Variants in CLYBL observed in about 807,000 individuals in gnomAD.
CLYBL encodes the protein citramalyl-CoA lyase, mitochondrial.
A neutral mutation model predicts 38.9 loss-of-function variants in CLYBL; 31 were observed. That is an observed-to-expected ratio of 0.80 (90% CI 0.60 to 1.08). The LOEUF is 1.08. Ranked by LOEUF, CLYBL falls within the 50% of genes least tolerant of loss-of-function variation. The pLI is 0.00. For missense variants in CLYBL, 434 were observed against 411.6 expected, an observed-to-expected ratio of 1.05 and a Z score of -0.47; for synonymous variants, 171 against 158.6, an observed-to-expected ratio of 1.08 and a Z score of -0.59.
intron 7 of CLYBL, chr13:99,877,693 C>T: frequency 6.5e-6 from 2 of 308,890 alleles, no homozygotes; most frequent in South Asian, 5.3e-5. Flanking sequence ...TCTCCTGCCT[C>T]AGCCTCCTGA....
intron 2 of CLYBL, among the ~76,000 whole-genome samples, chr13:99,814,502 C>T (rs1020453035): frequency 1.3e-5 from 2 of 152,078 alleles, no homozygotes; most frequent in Non-Finnish European, 2.9e-5. Flanking sequence ...GCAAGAGGAT[C>T]GCTTGAGCCC....
At chr13:99,841,134 G>C (rs562529806) in intron 2 of CLYBL, among the ~76,000 whole-genome samples, 123 of 152,298 alleles carry the variant, frequency 8.1e-4, no homozygotes, top group Non-Finnish European at 1.3e-3. Flanking sequence ...TGAGCAGGTT[G>C]CTCTTTGTAA....
chr13:99,818,038 G>A (rs1396217267), intron 2 of CLYBL, among the ~76,000 whole-genome samples: 2 of 151,166 alleles, frequency 1.3e-5, no homozygotes, highest in Non-Finnish European at 1.5e-5. Flanking sequence ...GGAAGGAAGG[G>A]AGGGAGGGAA....
chr13:99,622,211 C>T (rs182241243), intron 1 of CLYBL, among the ~76,000 whole-genome samples: 2 of 152,266 alleles, frequency 1.3e-5, no homozygotes, highest in Non-Finnish European at 2.9e-5. Context: ...CGCCCCAACT[C>T]AGGGTCAGCT....
chr13:99,885,534 T>C (rs944136588), intron 7 of CLYBL, among the ~76,000 whole-genome samples: 29 of 152,064 alleles, frequency 1.9e-4, no homozygotes, highest in Non-Finnish European at 4.3e-4. Flanking sequence ...TTCCATCAGA[T>C]CTGTTTTAGA....
intron 1 of CLYBL, among the ~76,000 whole-genome samples, chr13:99,617,604 T>C (rs9513642): frequency 0.04 from 5,990 of 151,076 alleles, 139 homozygotes; most frequent in Middle Eastern, 0.11. Context: ...ATGCACGCAG[T>C]CTCTGCAGTC....
rs537062474 is a variant in CLYBL at position 99,884,983 on chromosome 13, C to T, written c.928-6335C>T. 116 of 480,828 alleles carry T rather than the reference C, an allele frequency of 2.4e-4. 1 individual carries two copies. Among genetic ancestry groups the T allele is most frequent in the East Asian group, 1.4e-3 (22 of 15,190 alleles). 29.8% of individuals were successfully genotyped at this position (480,828 alleles called of 1,614,324 possible). A position where few individuals can be genotyped will look rare whatever the true frequency, so the allele number is the denominator to read the frequency against. On this transcript the variant is annotated intron_variant, in intron 7 of 8. Transcript: ENST00000339105. The stretch of plus-strand genomic sequence containing the variant: ...CTTGTGTCCTTCTATTCAGGTAGGT[C>T]GGTATTGCTGCTCTTGGCTTTGCAT...
At chr13:99,800,281 A>G (rs990338852) in intron 2 of CLYBL, among the ~76,000 whole-genome samples, 2 of 152,212 alleles carry the variant, frequency 1.3e-5, no homozygotes, top group Non-Finnish European at 2.9e-5. Flanking sequence ...AGCCAGTCCA[A>G]TCAGAGTGAA....
intron 4 of CLYBL, among the ~76,000 whole-genome samples, 188 bp downstream of exon 4, chr13:99,863,280 GA>G (rs2051654725): frequency 2.0e-5 from 3 of 152,166 alleles, no homozygotes; most frequent in Non-Finnish European, 4.4e-5. Flanking sequence ...AGAAAACAAT[GA>G]AATCAGTTAG....
At chr13:99,867,626 A>G (rs2051782119) in intron 6 of CLYBL, among the ~76,000 whole-genome samples, 1 of 152,152 alleles carries the variant, frequency 6.6e-6, no homozygotes, top group African/African-American at 2.4e-5. Flanking sequence ...CCTCTGCCAC[A>G]TCCATGCAAT....
At chr13:99,658,532 T>C (rs1164631695) in intron 1 of CLYBL, among the ~76,000 whole-genome samples, 1 of 152,114 alleles carries the variant, frequency 6.6e-6, no homozygotes, top group Admixed American at 6.5e-5. Context: ...CCTCCCCTCC[T>C]TTCAACTCTC....
chr13:99,885,083 G>T lies in CLYBL; in HGVS notation c.928-6235G>T, dbSNP rs767990113. On this transcript the variant is annotated intron_variant, in intron 7 of 8. Coordinates refer to ENST00000339105, the MANE Select transcript of CLYBL (RefSeq NM_206808.5). The stretch of plus-strand genomic sequence containing the variant: ...GTACCTGGCAGGTACTGGGTGCTGG[G>T]TGCCAGGTCCTGGGAGTCAAAGGTA... 5 of 530,376 alleles carry T rather than the reference G, an allele frequency of 9.4e-6. No homozygotes were observed. The Middle Eastern group carries it at 1.6e-3, about 169-fold the overall frequency. The allele number at this position is 530,376 out of a possible 1,614,324, so 32.9% of individuals were successfully genotyped here. A position where few individuals can be genotyped will look rare whatever the true frequency, so the allele number is the denominator to read the frequency against.
At chr13:99,771,341 A>T (rs930869221) in intron 1 of CLYBL, among the ~76,000 whole-genome samples, 1 of 152,298 alleles carries the variant, frequency 6.6e-6, no homozygotes, top group South Asian at 2.1e-4. Flanking sequence ...GCCACCACAC[A>T]TGGCCTAAGG....
rs748394532 is a variant in CLYBL, at chr13:99,865,146, C to G, written c.634+235C>G. On this transcript the variant is annotated intron_variant, in intron 5 of 8. Coordinates refer to ENST00000339105, the MANE Select transcript of CLYBL (RefSeq NM_206808.5). This position sits in a 1 kb window ranked among gnomAD's most constrained non-coding sequence, Gnocchi z 4.7. ...TACTTCTGTTCATTTATAAAAGACA[C>G]GAGCAATAGAAAGCCTGTTGCAGCC... 2 of 510,930 alleles carry G rather than the reference C, an allele frequency of 3.9e-6. No homozygotes were observed. The highest frequency in any genetic ancestry group is 3.9e-5 in the African/African-American group (2 of 51,906). The allele number at this position is 510,930 out of a possible 1,614,324, so 31.6% of individuals were successfully genotyped here.
At chr13:99,831,300 C>T (rs997061845) in intron 2 of CLYBL, among the ~76,000 whole-genome samples, 1 of 152,184 alleles carries the variant, frequency 6.6e-6, no homozygotes, top group African/African-American at 2.4e-5. Flanking sequence ...TAATACACCT[C>T]AGATATATTA....
chr13:99,903,851 A>G (rs958681099), intron 8 of CLYBL, among the ~76,000 whole-genome samples: 10 of 152,184 alleles, frequency 6.6e-5, no homozygotes, highest in Non-Finnish European at 7.3e-5. Context: ...TCTGAGCAGC[A>G]AAGCAAGACC....
chr13:99,701,161 T>A (rs2048059173), intron 1 of CLYBL, among the ~76,000 whole-genome samples: 1 of 152,162 alleles, frequency 6.6e-6, no homozygotes, highest in African/African-American at 2.4e-5. Flanking sequence ...TGACCAAAAG[T>A]ACATAGGAGG....
At chr13:99,908,182 G>A (rs368570393) in exon 10 of CLYBL, among the ~76,000 whole-genome samples, 7 of 152,178 alleles carry the variant, frequency 4.6e-5, no homozygotes, top group African/African-American at 7.2e-5. Flanking sequence ...GTAGAGAAGC[G>A]GCAGAAACAG....
At chr13:99,695,525 T>G (rs1217079622) in intron 1 of CLYBL, among the ~76,000 whole-genome samples, 1 of 152,066 alleles carries the variant, frequency 6.6e-6, no homozygotes, top group East Asian at 1.9e-4. Flanking sequence ...ATTTTTTTTT[T>G]CCTTTTTGTT....
Sources: allele counts gnomAD v4.1 joint callset (sites outside exome capture counted in the v4.1 genomes callset), GRCh38; gene constraint gnomAD v4.1.1; non-coding constraint Gnocchi (gnomAD v3.1); transcripts MANE v1.5; gene names NCBI Gene and HGNC (gene_info 2026-07-23, HGNC 2026-07-21).